The following SOX6 variants were observed in gnomAD, a reference collection of about 807,000 sequenced individuals.
SOX6 encodes the protein SRY-box transcription factor 6, also known as transcription factor SOX-6.
Under a neutral mutation model 97.8 loss-of-function variants are expected in SOX6, and 11 were observed. The observed-to-expected ratio is 0.11, with a 90% CI of 0.07 to 0.19. The LOEUF (loss-of-function observed/expected upper bound fraction) is 0.19. Ranked by LOEUF, SOX6 falls within the 10% of genes least tolerant of loss-of-function variation. The pLI, the probability that SOX6 is intolerant of heterozygous loss-of-function variation, is 1.00. For missense variants in SOX6, 810 were observed against 1,039.5 expected, an observed-to-expected ratio of 0.78 and a Z score of 3.04; for synonymous variants, 360 against 371.4, an observed-to-expected ratio of 0.97 and a Z score of 0.35.
chr11:16,149,233 A>C (rs576988606), intron 6 of SOX6, among the ~76,000 whole-genome samples: 2 of 152,278 alleles, frequency 1.3e-5, no homozygotes, highest in African/African-American at 4.8e-5. Context: ...TTTCAAGGGC[A>C]GTTATTTTAT....
chr11:16,420,263 G>T (rs1022982647), intron 1 of SOX6, among the ~76,000 whole-genome samples: 9 of 152,122 alleles, frequency 5.9e-5, no homozygotes, highest in African/African-American at 2.2e-4. Flanking sequence ...TAAAGGGAAG[G>T]TACATTTATT....
intron 3 of SOX6, among the ~76,000 whole-genome samples, chr11:16,667,261 G>T (rs1320209192): frequency 6.6e-6 from 1 of 151,712 alleles, no homozygotes; most frequent in Non-Finnish European, 1.5e-5. Flanking sequence ...AACAAAACAG[G>T]ATAATAACAG....
intron 3 of SOX6, among the ~76,000 whole-genome samples, chr11:16,684,608 C>T (rs946471572): frequency 1.3e-5 from 2 of 151,884 alleles, no homozygotes; most frequent in Non-Finnish European, 2.9e-5. Flanking sequence ...GGAGGGATAG[C>T]ATTAGGAGAA....
Position 15,983,388 on chromosome 11 carries a change from C to T in SOX6, c.2183+2816G>A, listed in dbSNP as rs79281593. Among the ~76,000 whole-genome samples, 662 of 152,192 alleles carry T rather than the reference C, an allele frequency of 4.3e-3. 3 individuals carry two copies. The highest frequency in any genetic ancestry group is 0.015 in the African/African-American group (623 of 41,526). ...ATAAAAAAAACTAACTCATCAGCCA[C>T]AGTTGTGTAGTCAGTAAAATGCATG... On this transcript the variant is annotated intron_variant, in intron 15 of 15. Coordinates refer to ENST00000683767, the MANE Select transcript of SOX6 (RefSeq NM_001367873.1).
intron 4 of SOX6, among the ~76,000 whole-genome samples, chr11:16,198,291 G>C (rs1161170514): frequency 6.7e-6 from 1 of 148,412 alleles, no homozygotes; most frequent in African/African-American, 2.5e-5. Flanking sequence ...GGCCAGGCTG[G>C]GCTCAAACTC....
rs1589996828 is a variant in SOX6 at position 16,174,282 on chromosome 11, A to G, written c.777+9604T>C. 2.0e-5 allele frequency among the ~76,000 whole-genome samples: 3 copies of G among 152,056 alleles called. No individual in the cohort carries two copies. The South Asian group carries it at 6.2e-4, about 31-fold the overall frequency. On this transcript the variant is annotated intron_variant, in intron 6 of 15. Transcript: ENST00000683767. ...TGTATCAAAAGTTAGAGTCCAGACT[A>G]CAACCTGACTGAGGATGTACTCAAC...
At chr11:16,012,788 A>G (rs1854772216) in intron 13 of SOX6, among the ~76,000 whole-genome samples, 1 of 151,996 alleles carries the variant, frequency 6.6e-6, no homozygotes. Context: ...TCACCTGTAA[A>G]ATGGAAAAAG....
At chr11:16,087,911 G>C (rs769986289) in intron 9 of SOX6, among the ~76,000 whole-genome samples, 1 of 151,870 alleles carries the variant, frequency 6.6e-6, no homozygotes, top group African/African-American at 2.4e-5. Flanking sequence ...TCTTTGCTGT[G>C]GGTGGCTGTT....
intron 9 of SOX6, among the ~76,000 whole-genome samples, chr11:16,088,721 A>C (rs1848624283): frequency 6.6e-6 from 1 of 152,164 alleles, no homozygotes; most frequent in African/African-American, 2.4e-5. Flanking sequence ...AAAGGATGTA[A>C]TACTTCATTC....
At chr11:16,451,874 A>AT (rs1859722821) in intron 1 of SOX6, among the ~76,000 whole-genome samples, 1 of 151,922 alleles carries the variant, frequency 6.6e-6, no homozygotes, top group Non-Finnish European at 1.5e-5. Context: ...CTCAAAAAAA[A>AT]ATTTTTTTAA....
At chr11:16,205,034 T>C (rs1364420556) in intron 4 of SOX6, among the ~76,000 whole-genome samples, 2 of 152,156 alleles carry the variant, frequency 1.3e-5, no homozygotes, top group Non-Finnish European at 2.9e-5. Context: ...TTTCCTCAGT[T>C]CACTTAAGAA....
chr11:16,028,830 A>C (rs1038294818), intron 12 of SOX6, among the ~76,000 whole-genome samples: 7 of 152,202 alleles, frequency 4.6e-5, no homozygotes, highest in Admixed American at 3.9e-4. Flanking sequence ...AAATAAGTAA[A>C]TAGAATAAAA....
At chr11:16,000,715 A>AGT (rs59042959) in intron 13 of SOX6, among the ~76,000 whole-genome samples, 86 of 151,796 alleles carry the variant, frequency 5.7e-4, no homozygotes, top group African/African-American at 8.7e-4. Context: ...AGAGGATGAC[A>AGT]GTGTGTGTGT....
intron 1 of SOX6, among the ~76,000 whole-genome samples, chr11:16,413,416 A>C (rs1380241238): frequency 6.6e-6 from 1 of 152,070 alleles, no homozygotes; most frequent in Non-Finnish European, 1.5e-5. Flanking sequence ...AAGTAATATA[A>C]AAACTGCTTA....
Position 16,607,065 on chromosome 11 carries a change from C to G in SOX6, n.609+5016G>C, listed in dbSNP as rs1344241566. On this transcript the variant is annotated intron_variant and non_coding_transcript_variant, in intron 4 of 5. Coordinates refer to the SOX6 transcript ENST00000524520. The surrounding 1 kb of genome is among the most constrained non-coding windows in gnomAD (Gnocchi z 6.5). ...AGCCAAGTACGCAAACCCGCCCCGG[C>G]CCGGCAGCCGCGGCTCCCGGCCACC... The G allele has an allele frequency of 3.3e-5, 5 of 153,276 alleles. No individual in the cohort carries two copies. The highest frequency in any genetic ancestry group is 2.1e-4 in the South Asian group (1 of 4,854). 9.5% of individuals were successfully genotyped at this position (153,276 alleles called of 1,614,324 possible).
At chr11:16,234,529 C>T (rs538741925) in intron 4 of SOX6, 53 bp downstream of exon 4, 42 of 1,061,050 alleles carry the variant, frequency 4.0e-5, no homozygotes, top group Non-Finnish European at 5.9e-5. Flanking sequence ...CATTGTTATA[C>T]AAAATAACAT....
At chr11:16,689,698 C>G (rs1003073786) in intron 3 of SOX6, among the ~76,000 whole-genome samples, 1 of 151,988 alleles carries the variant, frequency 6.6e-6, no homozygotes, top group Non-Finnish European at 1.5e-5. Context: ...TAACTGAGTT[C>G]AATAGGTTTT....
At chr11:16,292,938 A>G (rs1383895643) in intron 3 of SOX6, among the ~76,000 whole-genome samples, 1 of 152,186 alleles carries the variant, frequency 6.6e-6, no homozygotes, top group African/African-American at 2.4e-5. Flanking sequence ...AACAGATTGC[A>G]CTAAAGTAAA....
chr11:16,045,033 C>G (rs761476630), intron 12 of SOX6, among the ~76,000 whole-genome samples: 5 of 152,034 alleles, frequency 3.3e-5, no homozygotes, highest in Admixed American at 6.6e-5. Flanking sequence ...ATCCCTCTCC[C>G]GTGTGTTCCA....
Sources: gnomAD v4.1 joint callset for allele counts (sites outside exome capture counted in the v4.1 genomes callset) on GRCh38, gnomAD v4.1.1 for gene constraint, Gnocchi (gnomAD v3.1) non-coding constraint, MANE v1.5 for transcripts, NCBI Gene and HGNC (gene_info 2026-07-23, HGNC 2026-07-21) for gene names.